Variants in PCNX2 observed in about 807,000 individuals in gnomAD.
The protein encoded by PCNX2 is pecanex-like protein 2.
A neutral mutation model predicts 223.8 loss-of-function variants in PCNX2; 168 were observed. That is an observed-to-expected ratio of 0.75 (90% CI 0.66 to 0.85). PCNX2 has a LOEUF of 0.85. Among genes scored for constraint, PCNX2 ranks in the 40% least tolerant of loss-of-function variants. The pLI is 0.00. For synonymous variants in PCNX2, 1,006 were observed against 1,052.6 expected (o/e 0.96, Z 0.86); for missense variants, 2,507 against 2,675.5 (o/e 0.94, Z 1.39).
chr1:233,046,645 T>C (rs1490179471), intron 25 of PCNX2, among the ~76,000 whole-genome samples: 1 of 152,182 alleles, frequency 6.6e-6, no homozygotes, highest in African/African-American at 2.4e-5. Flanking sequence ...ATTCCTACTG[T>C]GGCTGGCAGG....
intron 9 of PCNX2, among the ~76,000 whole-genome samples, chr1:233,228,423 C>T (rs1426953751): frequency 6.6e-5 from 10 of 152,108 alleles, no homozygotes; most frequent in Non-Finnish European, 1.3e-4. Flanking sequence ...ATAGTGTTAA[C>T]CATATTCACA....
chr1:233,147,669 A>G (rs6424280), intron 19 of PCNX2, among the ~76,000 whole-genome samples: 15,602 of 152,248 alleles, frequency 0.1, 2,413 homozygotes, highest in African/African-American at 0.34. Flanking sequence ...CACAACTTTA[A>G]GTCAAGTGAT....
At chr1:233,244,037 A>G (rs1218276285) in intron 8 of PCNX2, among the ~76,000 whole-genome samples, 3 of 151,924 alleles carry the variant, frequency 2.0e-5, no homozygotes, top group Non-Finnish European at 4.4e-5. Context: ...CACTATGTTG[A>G]TCAGGCTGGT....
intron 19 of PCNX2, among the ~76,000 whole-genome samples, chr1:233,150,251 T>C (rs1443279638): frequency 6.6e-6 from 1 of 152,222 alleles, no homozygotes; most frequent in Non-Finnish European, 1.5e-5. Flanking sequence ...AAGCTGGTGC[T>C]TCCCCACAGT....
At chr1:233,066,308 G>A (rs1402398198) in intron 23 of PCNX2, among the ~76,000 whole-genome samples, 6 of 152,172 alleles carry the variant, frequency 3.9e-5, no homozygotes, top group Non-Finnish European at 8.8e-5. Flanking sequence ...CTGTTCACTG[G>A]ACCATGGGAA....
Position 233,000,687 on chromosome 1 carries a change from C to T in PCNX2, c.5098-152G>A, listed in dbSNP as rs1670052160. Reference sequence around the variant, plus strand: ...TTCTTTTTCCAAATCCTGAGCTCGGCACAGAGGACACCTCTTTATCTCATT... The same window carrying T: ...TTCTTTTTCCAAATCCTGAGCTCGGTACAGAGGACACCTCTTTATCTCATT... On this transcript the variant is annotated intron_variant, in intron 29 of 33. Transcript: ENST00000258229. This position sits in a 1 kb window ranked among gnomAD's most constrained non-coding sequence, Gnocchi z 4.6. Among the ~76,000 whole-genome samples, 1 of 152,200 alleles carries T rather than the reference C, an allele frequency of 6.6e-6. No individual in the cohort carries two copies. Among genetic ancestry groups the T allele is most frequent in the African/African-American group, 2.4e-5 (1 of 41,444 alleles).
At chr1:233,022,287 C>T (rs1196137005) in intron 26 of PCNX2, among the ~76,000 whole-genome samples, 1 of 152,150 alleles carries the variant, frequency 6.6e-6, no homozygotes, top group South Asian at 2.1e-4. Flanking sequence ...TACAAAAAAA[C>T]AAATTGGGCC....
At chr1:232,995,055 G>T (rs1331649710) in intron 32 of PCNX2, among the ~76,000 whole-genome samples, 2 of 152,220 alleles carry the variant, frequency 1.3e-5, no homozygotes, top group African/African-American at 4.8e-5. Flanking sequence ...CCATGGTGAG[G>T]ATCCAGTGAA....
At chr1:233,078,576 C>T (rs1673204820) in intron 23 of PCNX2, among the ~76,000 whole-genome samples, 1 of 152,208 alleles carries the variant, frequency 6.6e-6, no homozygotes, top group African/African-American at 2.4e-5. Context: ...AAGGCTTACA[C>T]TCCCTGCGAC....
At position 232,990,502 on chromosome 1, in the gene PCNX2, C is replaced by T. The variant is rs1464026679; in HGVS notation, c.5792-3962G>A. On this transcript the variant is annotated intron_variant, in intron 32 of 33. Coordinates refer to ENST00000258229, the MANE Select transcript of PCNX2 (RefSeq NM_014801.4). The surrounding 1 kb of genome is among the most constrained non-coding windows in gnomAD (Gnocchi z 4.3). ...TTGGCTCCACTGCTCTTGGCTGTGACAGAACCTGCCTACAGCTGCAACTCT... is the reference window on the plus strand; with the variant it reads ...TTGGCTCCACTGCTCTTGGCTGTGATAGAACCTGCCTACAGCTGCAACTCT... Among the ~76,000 whole-genome samples the T allele has an allele frequency of 6.6e-6, 1 of 152,174 alleles. No homozygotes were observed. The highest frequency in any genetic ancestry group is 2.4e-5 in the African/African-American group (1 of 41,444).
chr1:233,064,444 T>C (rs1475787139), intron 23 of PCNX2, among the ~76,000 whole-genome samples: 4 of 152,212 alleles, frequency 2.6e-5, no homozygotes, highest in Admixed American at 1.3e-4. Flanking sequence ...GTTCCTTCTC[T>C]GTGTTGGGTG....
intron 19 of PCNX2, among the ~76,000 whole-genome samples, chr1:233,145,955 C>G (rs1162478333): frequency 1.3e-5 from 2 of 151,980 alleles, no homozygotes; most frequent in Non-Finnish European, 2.9e-5. Flanking sequence ...AATCCAAAAA[C>G]CTGGAATCTG....
At chr1:233,251,298 C>T (rs1171692660) in intron 7 of PCNX2, among the ~76,000 whole-genome samples, 1 of 152,204 alleles carries the variant, frequency 6.6e-6, no homozygotes, top group East Asian at 1.9e-4. Flanking sequence ...CTGCCTCCAA[C>T]TGTGCAGATG....
chr1:233,260,660 T>C (rs1199191861), intron 4 of PCNX2, among the ~76,000 whole-genome samples: 1 of 152,162 alleles, frequency 6.6e-6, no homozygotes, highest in African/African-American at 2.4e-5. Context: ...TAGAGCGAAT[T>C]AAACTTTACA....
At chr1:233,088,641 C>T (rs1465935334) in intron 23 of PCNX2, among the ~76,000 whole-genome samples, 1 of 152,116 alleles carries the variant, frequency 6.6e-6, no homozygotes, top group East Asian at 1.9e-4. Context: ...AGAAATCTGC[C>T]AGAAACCTGA....
At chr1:233,307,568 C>T in the PCNX2 span, among the ~76,000 whole-genome samples, 2 of 152,122 alleles carry the variant, frequency 1.3e-5, no homozygotes, top group African/African-American at 4.8e-5. Context: ...CTCAGGTATT[C>T]CTTTACAGCA....
intron 19 of PCNX2, among the ~76,000 whole-genome samples, chr1:233,155,372 A>G (rs1280986146): frequency 1.3e-5 from 2 of 152,146 alleles, no homozygotes; most frequent in Non-Finnish European, 2.9e-5. Flanking sequence ...ACCAGATTAT[A>G]AGCTTTTGGA....
chr1:233,276,558 G>A (rs971681292), intron 1 of PCNX2, among the ~76,000 whole-genome samples: 3 of 152,092 alleles, frequency 2.0e-5, no homozygotes, highest in African/African-American at 7.2e-5. Flanking sequence ...TTTTTCAACT[G>A]AGAAATATGA....
intron 17 of PCNX2, among the ~76,000 whole-genome samples, chr1:233,175,456 C>CT (rs1461354283): frequency 2.0e-5 from 3 of 151,956 alleles, no homozygotes; most frequent in East Asian, 1.9e-4. Flanking sequence ...TAATTCCTAC[C>CT]TTTTTTTTAA....
Sources: gnomAD v4.1 joint callset for allele counts (sites outside exome capture counted in the v4.1 genomes callset) on GRCh38, gnomAD v4.1.1 for gene constraint, Gnocchi (gnomAD v3.1) non-coding constraint, MANE v1.5 for transcripts, NCBI Gene and HGNC (gene_info 2026-07-23, HGNC 2026-07-21) for gene names.